Variants in FAHD2B observed in about 807,000 individuals in gnomAD.
FAHD2B encodes the protein fumarylacetoacetate hydrolase domain containing 2B.
FAHD2B carries 26 observed loss-of-function variants against 33.7 expected under a neutral mutation model. The observed-to-expected ratio is 0.77, with a 90% CI of 0.57 to 1.07. The LOEUF (loss-of-function observed/expected upper bound fraction) is 1.07. FAHD2B is among the 50% of genes least tolerant of loss of function. The pLI, the probability that FAHD2B is intolerant of heterozygous loss-of-function variation, is 0.00. For synonymous variants in FAHD2B, 108 were observed against 150.9 expected (o/e 0.72, Z 2.08); for missense variants, 272 against 388.1 (o/e 0.70, Z 2.51).
At chr2:97,093,619 C>T (rs1194730646) in intron 1 of FAHD2B, among the ~76,000 whole-genome samples, 18 of 151,960 alleles carry the variant, frequency 1.2e-4, no homozygotes, top group African/African-American at 4.1e-4. Flanking sequence ...GGACTACAGG[C>T]GCATGCCGCC....
At position 97,084,157 on chromosome 2, in the gene FAHD2B, C is replaced by G. The variant is rs2153382041; in HGVS notation, c.794+12G>C. ...GTGGAGCGGGGCTGGCAGGACAGCCCTTGTCACTCACTGGGAGACCCAGGC... is the reference window on the plus strand; with the variant it reads ...GTGGAGCGGGGCTGGCAGGACAGCCGTTGTCACTCACTGGGAGACCCAGGC... On this transcript the variant is annotated intron_variant, in intron 7 of 8. Transcript: ENST00000414820. 1 of 1,613,716 alleles carries G rather than the reference C, an allele frequency of 6.2e-7. No individual in the cohort carries two copies. The highest frequency in any genetic ancestry group is 2.2e-5 in the East Asian group (1 of 44,882).
chr2:97,091,662 C>T lies in FAHD2B; in HGVS notation c.45G>A (p.Gln15=). Residue 15 remains glutamine, a synonymous_variant, in exon 3 of 9, where the codon CAG becomes CAA. Transcript: ENST00000414820. ...GRRRLLTALL[Q]AQKWPFQPSR... ...AGGGTTGAAAGGGCCACTTCTGAGC[C>T]TGCAGCAGAGCTGTGAGTAATCTTC... is the stretch of plus-strand genomic sequence containing the variant. 1.2e-6 allele frequency: 2 copies of T among 1,613,746 alleles called. No homozygotes were observed. Among genetic ancestry groups the T allele is most frequent in the Non-Finnish European group, 1.7e-6 (2 of 1,179,872 alleles).
chr2:97,086,028 G>A, intron 5 of FAHD2B, 111 bp downstream of exon 5: 1 of 1,288,872 alleles, frequency 7.8e-7, no homozygotes, highest in Non-Finnish European at 1.1e-6. Context: ...CTGCTTCCTA[G>A]TGTCAGGGAC....
chr2:97,087,902 C>T lies in FAHD2B; in HGVS notation c.463-1704G>A, dbSNP rs562944723. Among the ~76,000 whole-genome samples, 10 of 152,154 alleles carry T rather than the reference C, an allele frequency of 6.6e-5. No homozygotes were observed. In the East Asian group the frequency reaches 1.9e-3, roughly 29 times the overall value. ...GTGAACGTCAGCTAAACCAAGTGGTCAAATTCTGGGACCACTGACATGAGC... is the reference window on the plus strand; with the variant it reads ...GTGAACGTCAGCTAAACCAAGTGGTTAAATTCTGGGACCACTGACATGAGC... On this transcript the variant is annotated intron_variant, in intron 4 of 8. Coordinates refer to ENST00000414820, the MANE Select transcript of FAHD2B (RefSeq NM_001320848.2).
intron 4 of FAHD2B, among the ~76,000 whole-genome samples, chr2:97,089,315 C>T (rs1024892486): frequency 1.4e-4 from 21 of 151,612 alleles, no homozygotes; most frequent in African/African-American, 5.1e-4. Flanking sequence ...GGCCAAGAGA[C>T]TGAGACCATC....
downstream of FAHD2B, chr2:97,081,958 C>T (rs1483339589): frequency 5.8e-6 from 6 of 1,029,826 alleles, no homozygotes; most frequent in Non-Finnish European, 8.9e-6. Flanking sequence ...AGGGTTGATC[C>T]CTGGCCAGCT....
chr2:97,083,887 G>C, intron 8 of FAHD2B, 61 bp downstream of exon 8: 1 of 1,614,026 alleles, frequency 6.2e-7, no homozygotes, highest in African/African-American at 1.3e-5. Context: ...TACTTCTCAA[G>C]TCTGAGCCAA....
At chr2:97,080,609 T>G (rs2031608365), downstream of FAHD2B, among the ~76,000 whole-genome samples, 5 of 152,066 alleles carry the variant, frequency 3.3e-5, no homozygotes, top group Admixed American at 3.3e-4. Context: ...ATATTTTTTT[T>G]TCTATTTCTG....
At chr2:97,080,540 T>C (rs2031605948), downstream of FAHD2B, among the ~76,000 whole-genome samples, 1 of 152,128 alleles carries the variant, frequency 6.6e-6, no homozygotes, top group South Asian at 2.1e-4. Context: ...AGATTTTTCT[T>C]TTTGCTGAGA....
intron 1 of FAHD2B, among the ~76,000 whole-genome samples, chr2:97,093,078 T>A (rs1397008490): frequency 2.0e-5 from 3 of 151,824 alleles, no homozygotes; most frequent in African/African-American, 7.3e-5. Context: ...TGAATCCAAG[T>A]CTGGCCACTA....
At chr2:97,079,646 T>C (rs1222817950), downstream of FAHD2B, among the ~76,000 whole-genome samples, 1 of 150,754 alleles carries the variant, frequency 6.6e-6, no homozygotes, top group Admixed American at 6.6e-5. Context: ...AAATTTCTTT[T>C]TTATTTTATT....
intron 6 of FAHD2B, among the ~76,000 whole-genome samples, chr2:97,084,994 C>T (rs867738926): frequency 4.6e-5 from 7 of 151,912 alleles, no homozygotes; most frequent in Admixed American, 3.3e-4. Flanking sequence ...GTGTATCAGC[C>T]GCTGGCAGGG....
intron 1 of FAHD2B, among the ~76,000 whole-genome samples, chr2:97,092,290 T>C (rs969871928): frequency 6.6e-6 from 1 of 152,128 alleles, no homozygotes; most frequent in Non-Finnish European, 1.5e-5. Context: ...TAAAATGGTT[T>C]CCACTGCTCA....
At chr2:97,079,234 T>C (rs2031570518), downstream of FAHD2B, among the ~76,000 whole-genome samples, 1 of 152,134 alleles carries the variant, frequency 6.6e-6, no homozygotes, top group African/African-American at 2.4e-5. Context: ...AATGGACGCA[T>C]GCATGCATGT....
At chr2:97,092,426 T>C (rs2032402553) in intron 1 of FAHD2B, among the ~76,000 whole-genome samples, 1 of 152,110 alleles carries the variant, frequency 6.6e-6, no homozygotes, top group Non-Finnish European at 1.5e-5. Context: ...GGGAAGAGGC[T>C]GCAGACAAAC....
chr2:97,081,565 C>T, downstream of FAHD2B: 3 of 1,525,270 alleles, frequency 2.0e-6, no homozygotes, highest in Non-Finnish European at 2.6e-6. Flanking sequence ...CTGGCCTCCT[C>T]CAGCCTCCCA....
chr2:97,091,835 C>T lies in FAHD2B; in HGVS notation c.-7+28G>A, dbSNP rs528766834. ...CATCAACCGTTCCCTGCATACCACA[C>T]GGGAAGCGGTCCAGGCTTGTATTTT... On this transcript the variant is annotated intron_variant, in intron 2 of 8. Coordinates refer to ENST00000414820, the MANE Select transcript of FAHD2B (RefSeq NM_001320848.2). 20 of 1,420,884 alleles carry T rather than the reference C, an allele frequency of 1.4e-5. No homozygotes were observed. The East Asian group carries it at 3.5e-4, about 25-fold the overall frequency. 88.0% of individuals were successfully genotyped at this position (1,420,884 alleles called of 1,614,324 possible).
downstream of FAHD2B, among the ~76,000 whole-genome samples, chr2:97,080,789 A>G (rs7575796): frequency 0.063 from 9,635 of 152,036 alleles, 643 homozygotes; most frequent in Non-Finnish European, 0.083. Context: ...CTCTTTGTAA[A>G]GGTCCTTCAC....
chr2:97,086,232 G>A (rs1223304178), intron 4 of FAHD2B, 34 bp from the exon 5 acceptor site: 1 of 1,605,764 alleles, frequency 6.2e-7, no homozygotes, highest in East Asian at 2.2e-5. Flanking sequence ...GAGCCGCAGT[G>A]GCTTCGGGGC....
Sources: gnomAD v4.1 joint callset for allele counts (sites outside exome capture counted in the v4.1 genomes callset) on GRCh38, gnomAD v4.1.1 for gene constraint, MANE v1.5 for transcripts, NCBI Gene and HGNC (gene_info 2026-07-23, HGNC 2026-07-21) for gene names.